The following MAGI2 variants were observed in gnomAD, a reference collection of about 807,000 sequenced individuals.
The protein encoded by MAGI2 is membrane associated guanylate kinase, WW and PDZ domain containing 2.
Under a neutral mutation model 133.3 loss-of-function variants are expected in MAGI2, and 35 were observed. The observed-to-expected ratio is 0.26, with a 90% confidence interval of 0.20 to 0.35. The LOEUF (loss-of-function observed/expected upper bound fraction) is 0.35. Among genes scored for constraint, MAGI2 ranks in the 10% least tolerant of loss-of-function variants. The pLI is 1.00. For missense variants in MAGI2, 1,636 were observed against 1,863.4 expected (o/e 0.88, Z 2.25); for synonymous variants, 729 against 710.6 (o/e 1.03, Z -0.41).
At chr7:78,683,142 A>G (rs1163573521) in intron 2 of MAGI2, among the ~76,000 whole-genome samples, 1 of 152,164 alleles carries the variant, frequency 6.6e-6, no homozygotes, top group East Asian at 1.9e-4. Flanking sequence ...AGAACTTGGA[A>G]TCTGAGTCCT....
intron 3 of MAGI2, among the ~76,000 whole-genome samples, chr7:78,545,150 A>G (rs1284933124): frequency 1.3e-5 from 2 of 151,198 alleles, no homozygotes; most frequent in African/African-American, 2.4e-5. Flanking sequence ...ACTTGAAATT[A>G]TAAGTCTTCA....
chr7:78,625,404 T>G (rs2150950588), intron 3 of MAGI2, among the ~76,000 whole-genome samples: 1 of 152,126 alleles, frequency 6.6e-6, no homozygotes, highest in Non-Finnish European at 1.5e-5. Flanking sequence ...AATCTTTTTG[T>G]ACAGCTGTAC....
At chr7:79,068,371 G>A (rs975335277) in intron 1 of MAGI2, among the ~76,000 whole-genome samples, 19 of 152,106 alleles carry the variant, frequency 1.2e-4, no homozygotes, top group Admixed American at 6.6e-5. Context: ...ATTTCTTCTA[G>A]ATTTTCTAGT....
intron 2 of MAGI2, among the ~76,000 whole-genome samples, chr7:78,660,015 T>G (rs1267179088): frequency 6.6e-6 from 1 of 151,504 alleles, no homozygotes; most frequent in Non-Finnish European, 1.5e-5. Context: ...AGCAAACTAT[T>G]GCAAGGACAA....
At chr7:78,933,561 T>A (rs369455931) in intron 2 of MAGI2, among the ~76,000 whole-genome samples, 2 of 152,224 alleles carry the variant, frequency 1.3e-5, no homozygotes, top group African/African-American at 4.8e-5. Context: ...GAAATAGATA[T>A]CAGAGAAATT....
At chr7:78,722,980 G>C (rs943366839) in intron 2 of MAGI2, among the ~76,000 whole-genome samples, 1 of 152,042 alleles carries the variant, frequency 6.6e-6, no homozygotes, top group Non-Finnish European at 1.5e-5. Context: ...AAAGGAAAAG[G>C]AAGATGTAAG....
chr7:79,244,068 G>A (rs922129159), intron 1 of MAGI2, among the ~76,000 whole-genome samples: 1 of 152,170 alleles, frequency 6.6e-6, no homozygotes, highest in South Asian at 2.1e-4. Flanking sequence ...TGCCTATGAG[G>A]TCTTTGTATA....
At chr7:79,407,795 T>G (rs574951006) in intron 1 of MAGI2, among the ~76,000 whole-genome samples, 2 of 152,048 alleles carry the variant, frequency 1.3e-5, no homozygotes, top group East Asian at 3.9e-4. Context: ...TATTCTGAGT[T>G]AGTTTTGAAA....
intron 6 of MAGI2, among the ~76,000 whole-genome samples, chr7:78,457,529 A>G (rs10261909): frequency 0.36 from 54,639 of 152,034 alleles, 10,064 homozygotes; most frequent in East Asian, 0.51. Flanking sequence ...ATTTTGTAAT[A>G]TAATATATCT....
chr7:78,342,431 C>T (rs1790483448), intron 9 of MAGI2, among the ~76,000 whole-genome samples: 1 of 152,142 alleles, frequency 6.6e-6, no homozygotes, highest in Non-Finnish European at 1.5e-5. Context: ...ACCAGAATTA[C>T]CATTTGACCT....
intron 1 of MAGI2, among the ~76,000 whole-genome samples, chr7:79,299,044 C>A (rs573111330): frequency 1.3e-5 from 2 of 152,146 alleles, no homozygotes; most frequent in Non-Finnish European, 2.9e-5. Flanking sequence ...GATGCTCATG[C>A]CACATAACGT....
chr7:78,687,889 G>A (rs555817342), intron 2 of MAGI2, among the ~76,000 whole-genome samples: 15 of 142,898 alleles, frequency 1.0e-4, no homozygotes, highest in Non-Finnish European at 2.1e-4. Flanking sequence ...AGAATCACTT[G>A]AGCCTGGGAA....
intron 1 of MAGI2, among the ~76,000 whole-genome samples, chr7:79,279,403 G>A (rs944426604): frequency 2.6e-5 from 4 of 152,132 alleles, no homozygotes; most frequent in African/African-American, 4.8e-5. Flanking sequence ...TACTAAGCAA[G>A]AGAAATACAT....
Position 79,367,875 on chromosome 7 carries a change from A to ATATATATATATATATATATATATATG in MAGI2, c.301+85144_301+85145insCATATATATATATATATATATATATA, listed in dbSNP as rs1342246318. Among the ~76,000 whole-genome samples, 130 of 122,024 alleles carry ATATATATATATATATATATATATATG rather than the reference A, an allele frequency of 1.1e-3. 4 individuals are homozygous for ATATATATATATATATATATATATATG. In the Middle Eastern group the frequency reaches 0.012, roughly 11 times the overall value. 80.1% of individuals were successfully genotyped at this position (122,024 alleles called of 152,430 possible). A position where few individuals can be genotyped will look rare whatever the true frequency, so the allele number is the denominator to read the frequency against. ...ATATGTGACATATATATATATATAT[A>ATATATATATATATATATATATATATG]TGTCATTGACTGGTCAGTCTTCTTC... On this transcript the variant is annotated intron_variant, in intron 1 of 21. Coordinates refer to ENST00000354212, the MANE Select transcript of MAGI2 (RefSeq NM_012301.4).
At chr7:78,991,071 T>C (rs1021017816) in intron 2 of MAGI2, among the ~76,000 whole-genome samples, 4 of 151,812 alleles carry the variant, frequency 2.6e-5, no homozygotes, top group African/African-American at 9.7e-5. Flanking sequence ...GTTCTTGTGA[T>C]AGTGAAGGAG....
intron 7 of MAGI2, among the ~76,000 whole-genome samples, chr7:78,347,891 A>G (rs1357305772): frequency 6.6e-6 from 1 of 152,206 alleles, no homozygotes; most frequent in Non-Finnish European, 1.5e-5. Flanking sequence ...ACAGTGAACT[A>G]ATAATATCTG....
intron 2 of MAGI2, among the ~76,000 whole-genome samples, chr7:78,675,272 T>TTGTTGA (rs1444582540): frequency 6.9e-6 from 1 of 145,128 alleles, no homozygotes; most frequent in South Asian, 2.2e-4. Context: ...GTTGTTGTTG[T>TTGTTGA]TGTTGATGTA....
intron 1 of MAGI2, among the ~76,000 whole-genome samples, chr7:79,020,093 C>G (rs184927792): frequency 1.4e-4 from 21 of 152,234 alleles, no homozygotes; most frequent in African/African-American, 4.6e-4. Flanking sequence ...ACAATGAAGT[C>G]CAGGCTGAGG....
chr7:78,841,056 T>C (rs1456568710), intron 2 of MAGI2, among the ~76,000 whole-genome samples: 1 of 152,006 alleles, frequency 6.6e-6, no homozygotes, highest in African/African-American at 2.4e-5. Context: ...GCATACTTTG[T>C]CCTCCATTTT....
Sources: gnomAD v4.1 joint callset for allele counts (sites outside exome capture counted in the v4.1 genomes callset) on GRCh38, gnomAD v4.1.1 for gene constraint, MANE v1.5 for transcripts, NCBI Gene and HGNC (gene_info 2026-07-23, HGNC 2026-07-21) for gene names.